Variants in OLAH observed in about 807,000 individuals in gnomAD.
The protein encoded by OLAH is oleoyl-ACP hydrolase.
OLAH carries 33 observed loss-of-function variants against 27.8 expected under a neutral mutation model. The observed-to-expected ratio is 1.19, with a 90% CI of 0.90 to 1.59. The LOEUF (loss-of-function observed/expected upper bound fraction) is 1.59, where lower values mean the gene tolerates loss of function less well. Ranked by LOEUF, OLAH falls within the 40% of genes most tolerant of loss-of-function variation. The pLI, the probability that OLAH is intolerant of heterozygous loss-of-function variation, is 0.00. For synonymous variants in OLAH, 120 were observed against 102.9 expected (o/e 1.17, Z -1.01); for missense variants, 359 against 310.8 (o/e 1.16, Z -1.17).
At chr10:15,067,278 T>C (rs1844487226) in intron 6 of OLAH, among the ~76,000 whole-genome samples, 1 of 152,164 alleles carries the variant, frequency 6.6e-6, no homozygotes, top group African/African-American at 2.4e-5. Context: ...AAACATGCCA[T>C]CTTTAGAGTC....
chr10:15,060,362 G>T (rs1157119055), intron 3 of OLAH, among the ~76,000 whole-genome samples: 3 of 152,018 alleles, frequency 2.0e-5, no homozygotes, highest in Non-Finnish European at 4.4e-5. Flanking sequence ...TAGAGATGGG[G>T]TTTCACCCTG....
At chr10:15,072,156 A>T (rs986184998) in intron 7 of OLAH, among the ~76,000 whole-genome samples, 2 of 151,754 alleles carry the variant, frequency 1.3e-5, no homozygotes, top group African/African-American at 4.8e-5. Context: ...CTGGCCTCGA[A>T]CTCCTGACCT....
intron 4 of OLAH, 123 bp downstream of exon 4, chr10:15,061,985 A>G: frequency 1.2e-6 from 1 of 839,756 alleles, no homozygotes; most frequent in Non-Finnish European, 1.8e-6. Flanking sequence ...CATGTTAGGT[A>G]ATTATGGCCA....
At chr10:15,036,968 ACTCCGGAGG>A (rs1378936701) in intron 1 of OLAH, among the ~76,000 whole-genome samples, 1 of 151,756 alleles carries the variant, frequency 6.6e-6, no homozygotes, top group Admixed American at 6.6e-5. Flanking sequence ...AATCCCAGAT[ACTCCGGAGG>A]CTGAGGCAGG....
At chr10:15,054,477 T>G (rs1290011729) in intron 3 of OLAH, among the ~76,000 whole-genome samples, 3 of 152,316 alleles carry the variant, frequency 2.0e-5, no homozygotes, top group South Asian at 4.1e-4. Context: ...ACAGAGCCAT[T>G]ACGATTCGCT....
upstream of OLAH, among the ~76,000 whole-genome samples, chr10:15,040,569 C>G (rs1389530511): frequency 6.6e-6 from 1 of 152,180 alleles, no homozygotes; most frequent in East Asian, 1.9e-4. Context: ...TCTGCAGCAT[C>G]ACCCCTTCCT....
chr10:15,047,296 G>A lies in OLAH; in HGVS notation c.8G>A (p.Arg3Lys). ME[R>K]GDQPKRTRNE... ...GCAACCTCACCTCACAGCATGGAGA[G>A]AGGAGACCAACCTAAGAGAACCAGG... Residue 3 changes from arginine (R) to lysine (K), a missense_variant, in exon 2 of 8, where the codon AGA (arginine) becomes AAA (lysine). By Grantham distance (26) the Arg-to-Lys change is conservative. Coordinates refer to ENST00000378228, the MANE Select transcript of OLAH (RefSeq NM_001039702.3). 1 of 1,613,430 alleles carries A rather than the reference G, an allele frequency of 6.2e-7. No homozygotes were observed. The highest frequency in any genetic ancestry group is 8.5e-7 in the Non-Finnish European group (1 of 1,179,702).
chr10:15,037,286 T>G (rs1013346550), intron 1 of OLAH, among the ~76,000 whole-genome samples: 1 of 152,066 alleles, frequency 6.6e-6, no homozygotes. Flanking sequence ...CTTTAAAGAA[T>G]TATTATCATA....
intron 6 of OLAH, among the ~76,000 whole-genome samples, chr10:15,066,443 G>C (rs965252369): frequency 6.6e-6 from 1 of 151,844 alleles, no homozygotes; most frequent in African/African-American, 2.4e-5. Flanking sequence ...AAATTTGCTA[G>C]GTTTGCTTTT....
chr10:15,058,229 G>A (rs1589247042), intron 3 of OLAH, among the ~76,000 whole-genome samples: 1 of 152,230 alleles, frequency 6.6e-6, no homozygotes, highest in African/African-American at 2.4e-5. Flanking sequence ...TGGGACTATA[G>A]GAATGTGCCA....
At chr10:15,034,871 G>C (rs1181441242) in intron 1 of OLAH, among the ~76,000 whole-genome samples, 3 of 145,396 alleles carry the variant, frequency 2.1e-5, no homozygotes, top group African/African-American at 7.7e-5. Context: ...GCACGATCTC[G>C]GCTCACTGCA....
chr10:15,053,210 G>A (rs1392005793), intron 3 of OLAH, among the ~76,000 whole-genome samples: 1 of 152,092 alleles, frequency 6.6e-6, no homozygotes, highest in Non-Finnish European at 1.5e-5. Context: ...CCCCAGCCAG[G>A]AATGTCAAGT....
chr10:15,053,053 A>T (rs1844177668), intron 3 of OLAH, among the ~76,000 whole-genome samples: 1 of 152,060 alleles, frequency 6.6e-6, no homozygotes, highest in Non-Finnish European at 1.5e-5. Flanking sequence ...AAATCCTCAA[A>T]TTCTAACATT....
intron 4 of OLAH, among the ~76,000 whole-genome samples, chr10:15,062,408 A>G (rs1300195960): frequency 6.6e-6 from 1 of 152,110 alleles, no homozygotes; most frequent in Non-Finnish European, 1.5e-5. Flanking sequence ...AAATTGAAAA[A>G]TAAAAAGTAT....
At chr10:15,069,687 C>G (rs1432266944) in intron 6 of OLAH, among the ~76,000 whole-genome samples, 2 of 151,992 alleles carry the variant, frequency 1.3e-5, no homozygotes, top group African/African-American at 4.8e-5. Flanking sequence ...GCCAACATGG[C>G]GAAACCCCAT....
chr10:15,050,389 T>C (rs1457342891), intron 3 of OLAH, among the ~76,000 whole-genome samples: 1 of 151,966 alleles, frequency 6.6e-6, no homozygotes, highest in Non-Finnish European at 1.5e-5. Context: ...TGCCTCAGCC[T>C]CCGAAGTAGC....
intron 6 of OLAH, among the ~76,000 whole-genome samples, chr10:15,067,626 G>C (rs1373204714): frequency 6.6e-6 from 1 of 152,120 alleles, no homozygotes; most frequent in African/African-American, 2.4e-5. Context: ...CCTTTCTCCA[G>C]TGAGCCAAAT....
chr10:15,063,926 T>G (rs780929991), intron 4 of OLAH, among the ~76,000 whole-genome samples: 1 of 152,230 alleles, frequency 6.6e-6, no homozygotes, highest in African/African-American at 2.4e-5. Flanking sequence ...TGCATTCAAA[T>G]TGTTGCTGTA....
chr10:15,072,957 C>G (rs1359282431), intron 7 of OLAH, 130 bp from the exon 8 acceptor site: 4 of 811,736 alleles, frequency 4.9e-6, no homozygotes, highest in Non-Finnish European at 8.0e-6. Context: ...GCTCCTGCTT[C>G]ATCACCTAGA....
Sources: gnomAD v4.1 joint callset for allele counts (sites outside exome capture counted in the v4.1 genomes callset) on GRCh38, gnomAD v4.1.1 for gene constraint, MANE v1.5 for transcripts, NCBI Gene and HGNC (gene_info 2026-07-23, HGNC 2026-07-21) for gene names.